The following COL12A1 variants were observed in gnomAD, a reference collection of about 807,000 sequenced individuals.
The protein encoded by COL12A1 is collagen type XII alpha 1 chain.
In COL12A1, 114 loss-of-function variants were observed where a neutral mutation model predicts 349.7. The observed-to-expected ratio is 0.33, with a 90% CI of 0.28 to 0.38. The LOEUF is 0.38. Ranked by LOEUF, COL12A1 falls within the 10% of genes least tolerant of loss-of-function variation. COL12A1 has a pLI of 1.00. For synonymous variants in COL12A1, 1,369 were observed against 1,329.0 expected (o/e 1.03, Z -0.66); for missense variants, 3,284 against 3,756.9 (o/e 0.87, Z 3.29).
At chr6:75,093,602 C>A in intron 60 of COL12A1, among the ~76,000 whole-genome samples, 1 of 152,056 alleles carries the variant, frequency 6.6e-6, no homozygotes, top group East Asian at 1.9e-4. Flanking sequence ...TTATAATTAT[C>A]GTAAGAAAAA....
At position 75,113,721 on chromosome 6, in the gene COL12A1, G is replaced by A; in HGVS notation, c.7721C>T (p.Pro2574Leu). 1 of 1,595,580 alleles carries A rather than the reference G, an allele frequency of 6.3e-7. No homozygotes were observed. The highest frequency in any genetic ancestry group is 8.6e-7 in the Non-Finnish European group (1 of 1,168,088). ...TAATAATATAATCGTGTATGAAGGA[G>A]GGAGTCCATTTGGGTGTAGGTCTCT... ...PTADLHPNGL[P>L]PSYTIILLFR... The change falls in exon 50 of 66, where the codon CCT becomes CTT. Residue 2574 changes from proline (P) to leucine (L), a missense_variant. By Grantham distance (98) the Pro-to-Leu change is moderately conservative (BLOSUM62 -3). This residue lies in a region of COL12A1 where 683 missense variants were observed against 932.1 expected (regional missense o/e 0.73). Coordinates refer to ENST00000322507, the MANE Select transcript of COL12A1 (RefSeq NM_004370.6).
intron 14 of COL12A1, among the ~76,000 whole-genome samples, chr6:75,164,078 A>G (rs1350826668): frequency 1.3e-5 from 2 of 152,188 alleles, no homozygotes; most frequent in South Asian, 4.1e-4. Context: ...AATTTCTACC[A>G]TGTTCTTAAA....
In COL12A1 at chr6:75,175,267, C is replaced by A; in HGVS notation, c.2481G>T (p.Thr827=). 1 of 1,614,144 alleles carries A rather than the reference C, an allele frequency of 6.2e-7. No homozygotes were observed. The highest frequency in any genetic ancestry group is 8.5e-7 in the Non-Finnish European group (1 of 1,180,024). The change falls in exon 13 of 66, where the codon ACG becomes ACT. Residue 827 remains threonine, a synonymous_variant. Transcript: ENST00000322507. ...PRDLRVSDPT[T]STMKLSWSGA... is the part of the protein sequence containing the mutation. ...CACTCCAAGATAATTTCATAGTAGA[C>A]GTCGTAGGGTCAGAAACTCTTAAGT...
Position 75,116,012 on chromosome 6 carries a change from T to A in COL12A1, c.7558+7A>T. ...AAATTAATTTGCCCCAAAGTATAAA[T>A]GCTTACCTGGTGAGGTGTAGCCATC... On this transcript the variant is annotated splice_region_variant and intron_variant, in intron 48 of 65. Coordinates refer to ENST00000322507, the MANE Select transcript of COL12A1 (RefSeq NM_004370.6). The A allele has an allele frequency of 6.8e-6, 11 of 1,613,506 alleles. No individual in the cohort carries two copies. The highest frequency in any genetic ancestry group is 9.3e-6 in the Non-Finnish European group (11 of 1,179,622).
Position 75,085,516 on chromosome 6 carries a change from G to A in COL12A1, c.*1031C>T. ...AGTTACAATGTCCCAATTATTTCCAGATAATTTGGTGATAATCAAATAATG... is the reference window on the plus strand; with the variant it reads ...AGTTACAATGTCCCAATTATTTCCAAATAATTTGGTGATAATCAAATAATG... On this transcript the variant is annotated 3_prime_UTR_variant, in exon 66 of 66. Transcript: ENST00000322507. 6.9e-6 allele frequency: 2 copies of A among 288,504 alleles called. No homozygotes were observed. The highest frequency in any genetic ancestry group is 1.5e-5 in the Non-Finnish European group (2 of 136,474). 17.9% of individuals were successfully genotyped at this position (288,504 alleles called of 1,614,324 possible).
chr6:75,165,482 C>A (rs988717349), intron 14 of COL12A1, 25 bp downstream of exon 14: 2 of 1,608,216 alleles, frequency 1.2e-6, no homozygotes, highest in Non-Finnish European at 1.7e-6. Flanking sequence ...GGCACACACC[C>A]AAACACACCC....
chr6:75,194,462 C>CT (rs1770115255), intron 3 of COL12A1, among the ~76,000 whole-genome samples: 1 of 152,072 alleles, frequency 6.6e-6, no homozygotes, highest in Non-Finnish European at 1.5e-5. Context: ...GGTGTAACAA[C>CT]TTACTTCATC....
At chr6:75,155,180 C>G (rs1767689756) in intron 16 of COL12A1, among the ~76,000 whole-genome samples, 1 of 152,078 alleles carries the variant, frequency 6.6e-6, no homozygotes, top group Non-Finnish European at 1.5e-5. Context: ...ATGAGCCCAG[C>G]CTTGCCCTTT....
intron 3 of COL12A1, among the ~76,000 whole-genome samples, chr6:75,194,254 A>G (rs1442944474): frequency 6.6e-6 from 1 of 152,164 alleles, no homozygotes; most frequent in Non-Finnish European, 1.5e-5. Context: ...TTGGTTCTCC[A>G]CATTTTGGCA....
chr6:75,192,200 A>ATGAG lies in COL12A1; in HGVS notation c.334+11_334+12insCTCA, dbSNP rs1290732169. The ATGAG allele has an allele frequency of 6.7e-7, 1 of 1,499,150 alleles. No individual in the cohort carries two copies. Among genetic ancestry groups the ATGAG allele is most frequent in the African/African-American group, 1.4e-5 (1 of 71,032 alleles). The allele number at this position is 1,499,150 out of a possible 1,614,324, so 92.9% of individuals were successfully genotyped here. On this transcript the variant is annotated intron_variant, in intron 4 of 65. Transcript: ENST00000322507. ...AAATTATACAAATATTTTATTTTAT[A>ATGAG]TGTGTGCTTACTTGTTAGTTGTCCT...
At chr6:75,105,177 A>C in intron 54 of COL12A1, 29 bp downstream of exon 54, 2 of 1,580,316 alleles carry the variant, frequency 1.3e-6, no homozygotes, top group Non-Finnish European at 1.7e-6. Flanking sequence ...TCAAAGGAAA[A>C]ACCAGAGGAT....
rs371962953 is a variant in COL12A1, at chr6:75,143,401, G to A, written c.4691-13C>T. On this transcript the variant is annotated splice_polypyrimidine_tract_variant and intron_variant, in intron 25 of 65. Coordinates refer to ENST00000322507, the MANE Select transcript of COL12A1 (RefSeq NM_004370.6). ...CTGGGTAAAGGCACTAGAGAAGCAC[G>A]AGATATTAAATCCAGATGTGCTTCT... is the stretch of plus-strand genomic sequence containing the variant. The A allele has an allele frequency of 1.5e-5, 24 of 1,610,970 alleles. No homozygotes were observed. The highest frequency in any genetic ancestry group is 1.8e-5 in the Non-Finnish European group (21 of 1,179,284).
intron 55 of COL12A1, among the ~76,000 whole-genome samples, chr6:75,103,354 T>A (rs1371184488): frequency 6.6e-6 from 1 of 151,358 alleles, no homozygotes; most frequent in Admixed American, 6.6e-5. Context: ...TGACCCCTTG[T>A]GAGCACATAC....
chr6:75,195,313 G>A (rs1322912560), intron 2 of COL12A1, among the ~76,000 whole-genome samples: 2 of 152,252 alleles, frequency 1.3e-5, no homozygotes, highest in Admixed American at 6.5e-5. Flanking sequence ...AAGGAATTTC[G>A]ATACATGCTG....
chr6:75,164,892 A>T (rs1304966925), intron 14 of COL12A1, among the ~76,000 whole-genome samples: 1 of 152,164 alleles, frequency 6.6e-6, no homozygotes, highest in Non-Finnish European at 1.5e-5. Flanking sequence ...CAGAAAATTG[A>T]GTGGGCTTTT....
Position 75,090,363 on chromosome 6 carries a change from G to A in COL12A1, c.8753-65C>T. 1 of 1,476,708 alleles carries A rather than the reference G, an allele frequency of 6.8e-7. No individual in the cohort carries two copies. The highest frequency in any genetic ancestry group is 1.3e-5 in the South Asian group (1 of 78,024). The allele number at this position is 1,476,708 out of a possible 1,614,324, so 91.5% of individuals were successfully genotyped here. ...AAAGGACGGATGAGAGAGTGAAACT[G>A]TTTTCTCTTAGTGTCTAGTGAAATC... is the stretch of plus-strand genomic sequence containing the variant. On this transcript the variant is annotated intron_variant, in intron 62 of 65. Coordinates refer to ENST00000322507, the MANE Select transcript of COL12A1 (RefSeq NM_004370.6). The surrounding 1 kb of genome is among the most constrained non-coding windows in gnomAD (Gnocchi z 4.1).
At chr6:75,180,088 G>T (rs114557459) in intron 11 of COL12A1, among the ~76,000 whole-genome samples, 238 of 152,290 alleles carry the variant, frequency 1.6e-3, no homozygotes, top group African/African-American at 5.5e-3. Context: ...TTGAGCCTAG[G>T]ATTTTGAGGC....
intron 2 of COL12A1, among the ~76,000 whole-genome samples, chr6:75,200,504 C>T (rs1479131194): frequency 5.9e-5 from 9 of 152,004 alleles, no homozygotes; most frequent in African/African-American, 1.2e-4. Context: ...ACCCAGGAGG[C>T]GGAGGCTGCA....
chr6:75,088,257 T>G (rs1273978632), intron 64 of COL12A1, among the ~76,000 whole-genome samples: 1 of 152,200 alleles, frequency 6.6e-6, no homozygotes, highest in Non-Finnish European at 1.5e-5. Flanking sequence ...AGAAATCATT[T>G]ACAACCTAGT....
Sources: allele counts gnomAD v4.1 joint callset (sites outside exome capture counted in the v4.1 genomes callset), GRCh38; gene constraint gnomAD v4.1.1; regional missense constraint gnomAD v4.1.1; non-coding constraint Gnocchi (gnomAD v3.1); transcripts MANE v1.5; gene names NCBI Gene and HGNC (gene_info 2026-07-23, HGNC 2026-07-21).